The following GADL1 variants were observed in gnomAD, a reference collection of about 807,000 sequenced individuals.
The protein encoded by GADL1 is GAD like acidic amino acid decarboxylase 1.
A neutral mutation model predicts 69.5 loss-of-function variants in GADL1; 71 were observed. The observed-to-expected ratio is 1.02, with a 90% CI of 0.84 to 1.25. The LOEUF (loss-of-function observed/expected upper bound fraction) is 1.25, where lower values mean the gene tolerates loss of function less well. Ranked by LOEUF, GADL1 falls within the 50% of genes most tolerant of loss-of-function variation. GADL1 has a pLI of 0.00. For missense variants in GADL1, 737 were observed against 631.8 expected (o/e 1.17, Z -1.79); for synonymous variants, 254 against 214.4 (o/e 1.18, Z -1.62).
At chr3:30,806,910 C>G (rs1419572809) in intron 11 of GADL1, among the ~76,000 whole-genome samples, 1 of 152,200 alleles carries the variant, frequency 6.6e-6, no homozygotes, top group Non-Finnish European at 1.5e-5. Flanking sequence ...AAGGCTCCTA[C>G]AGATATTACA....
chr3:30,839,530 T>TAAAAAAAAAAAAAAA lies in GADL1; in HGVS notation c.787-418_787-417insTTTTTTTTTTTTTTT, dbSNP rs1697933216. Reference sequence around the variant, plus strand: ...TCATCTTCTCAAAAAAAAAAAAAGGTTGGAAGACAGAGCTCCCGGAGTAAA... The same window carrying TAAAAAAAAAAAAAAA: ...TCATCTTCTCAAAAAAAAAAAAAGGTAAAAAAAAAAAAAAATGGAAGACAGAGCTCCCGGAGTAAA... On this transcript the variant is annotated intron_variant, in intron 8 of 14. Coordinates refer to ENST00000282538, the MANE Select transcript of GADL1 (RefSeq NM_207359.3). Among the ~76,000 whole-genome samples, 4 of 54,450 alleles carry TAAAAAAAAAAAAAAA rather than the reference T, an allele frequency of 7.3e-5. No homozygotes were observed. The African/African-American group carries it at 9.9e-4, about 14-fold the overall frequency. The allele number at this position is 54,450 out of a possible 152,430, so 35.7% of individuals were successfully genotyped here.
intron 14 of GADL1, among the ~76,000 whole-genome samples, chr3:30,740,817 T>C (rs1212975441): frequency 6.6e-6 from 1 of 150,602 alleles, no homozygotes; most frequent in African/African-American, 2.4e-5. Context: ...ACATTAATTC[T>C]GACTTTACGT....
chr3:30,807,278 A>G (rs1697272411), intron 11 of GADL1, among the ~76,000 whole-genome samples: 1 of 152,196 alleles, frequency 6.6e-6, no homozygotes. Flanking sequence ...AGAACAGAAC[A>G]TCAGCTCTAG....
chr3:30,802,304 A>G (rs1344092436), intron 11 of GADL1, among the ~76,000 whole-genome samples: 2 of 152,162 alleles, frequency 1.3e-5, no homozygotes, highest in Non-Finnish European at 2.9e-5. Flanking sequence ...CCATTGTTAC[A>G]TCCATGCAGT....
chr3:30,751,589 G>GT (rs1450960244), intron 14 of GADL1, among the ~76,000 whole-genome samples: 8 of 151,532 alleles, frequency 5.3e-5, no homozygotes, highest in African/African-American at 1.7e-4. Flanking sequence ...TAGAACTTGA[G>GT]TGGAGGTATC....
intron 1 of GADL1, among the ~76,000 whole-genome samples, chr3:30,889,766 G>A (rs1316270844): frequency 6.6e-6 from 1 of 152,154 alleles, no homozygotes; most frequent in Non-Finnish European, 1.5e-5. Context: ...AATTAGCTGA[G>A]AAGACAACCT....
intron 3 of GADL1, 138 bp downstream of exon 3, chr3:30,856,877 T>C: frequency 1.5e-6 from 1 of 669,610 alleles, no homozygotes; most frequent in Admixed American, 3.0e-5. Flanking sequence ...AAGGGACCAT[T>C]GCAAAAACAT....
intron 1 of GADL1, among the ~76,000 whole-genome samples, chr3:30,869,997 T>C (rs1698457791): frequency 6.6e-6 from 1 of 151,880 alleles, no homozygotes; most frequent in Admixed American, 6.6e-5. Context: ...CAGGAAGTCC[T>C]TCTGGATGAG....
intron 11 of GADL1, among the ~76,000 whole-genome samples, chr3:30,811,632 C>T (rs1317430711): frequency 5.3e-5 from 8 of 152,276 alleles, no homozygotes; most frequent in Admixed American, 4.6e-4. Context: ...TGGAATAGTA[C>T]ACATTATTAC....
intron 11 of GADL1, among the ~76,000 whole-genome samples, chr3:30,819,202 TTTACAC>T (rs1697526790): frequency 8.1e-6 from 1 of 123,142 alleles, no homozygotes; most frequent in Admixed American, 8.4e-5. Flanking sequence ...GTGCCCCGGG[TTTACAC>T]TTATACTTAA....
At chr3:30,891,704 G>A (rs946264888) in intron 1 of GADL1, among the ~76,000 whole-genome samples, 5 of 151,992 alleles carry the variant, frequency 3.3e-5, no homozygotes, top group African/African-American at 4.8e-5. Flanking sequence ...ACTTGTTAAC[G>A]AAGGTTACAT....
intron 9 of GADL1, 37 bp downstream of exon 9, chr3:30,838,960 A>G (rs761890815): frequency 4.7e-6 from 6 of 1,270,540 alleles, no homozygotes; most frequent in African/African-American, 3.1e-5. Flanking sequence ...CAAAAAGACC[A>G]AAGGTTAAAC....
intron 14 of GADL1, among the ~76,000 whole-genome samples, chr3:30,759,094 C>T (rs1048370929): frequency 5.9e-5 from 9 of 152,008 alleles, no homozygotes; most frequent in African/African-American, 2.2e-4. Flanking sequence ...GTGCAGATCA[C>T]GATGGAGCTG....
intron 1 of GADL1, among the ~76,000 whole-genome samples, chr3:30,875,072 A>G (rs1380352524): frequency 2.0e-5 from 3 of 151,970 alleles, no homozygotes; most frequent in East Asian, 2.0e-4. Flanking sequence ...TGTCTTCCTC[A>G]TAAAGTAATA....
chr3:30,863,804 C>T (rs1460875578), intron 1 of GADL1, among the ~76,000 whole-genome samples: 3 of 133,862 alleles, frequency 2.2e-5, no homozygotes, highest in Non-Finnish European at 3.3e-5. Flanking sequence ...TTAGACTCCA[C>T]CTTCTCCTCA....
At chr3:30,751,168 C>A (rs932190803) in intron 14 of GADL1, among the ~76,000 whole-genome samples, 3 of 151,900 alleles carry the variant, frequency 2.0e-5, no homozygotes, top group African/African-American at 7.3e-5. Context: ...ACAGGAGTTT[C>A]CAGTTCAGCC....
chr3:30,734,555 T>C (rs899782679), intron 14 of GADL1, among the ~76,000 whole-genome samples: 3 of 152,174 alleles, frequency 2.0e-5, no homozygotes, highest in African/African-American at 4.8e-5. Flanking sequence ...CAGAAAGCAT[T>C]TCCTTATCGT....
chr3:30,755,571 TC>T (rs1400693306), intron 14 of GADL1, among the ~76,000 whole-genome samples: 2 of 144,112 alleles, frequency 1.4e-5, no homozygotes, highest in African/African-American at 5.3e-5. Flanking sequence ...CGACAGGAAA[TC>T]GTCCATTTTT....
At chr3:30,779,861 TAG>T (rs1011340732) in intron 13 of GADL1, among the ~76,000 whole-genome samples, 7 of 152,198 alleles carry the variant, frequency 4.6e-5, no homozygotes, top group Admixed American at 2.6e-4. Context: ...GGTCCAATCT[TAG>T]ACTTTGTCAG....
Sources: allele counts gnomAD v4.1 joint callset (sites outside exome capture counted in the v4.1 genomes callset), GRCh38; gene constraint gnomAD v4.1.1; transcripts MANE v1.5; gene names NCBI Gene and HGNC (gene_info 2026-07-23, HGNC 2026-07-21).